ZCCHC24: variants seen among roughly 807,000 people sequenced by gnomAD.
ZCCHC24 encodes the protein zinc finger CCHC-type containing 24, also known as zinc finger CCHC domain-containing protein 24.
Under a neutral mutation model 26.2 loss-of-function variants are expected in ZCCHC24, and 10 were observed. The ratio of observed to expected loss-of-function variants is 0.38; its 90% confidence interval spans 0.24 to 0.65. The LOEUF (loss-of-function observed/expected upper bound fraction) is 0.65, where lower values mean the gene tolerates loss of function less well. ZCCHC24 is among the 30% of genes least tolerant of loss of function. ZCCHC24 has a pLI of 0.54. For missense variants in ZCCHC24, 243 were observed against 329.1 expected (o/e 0.74, Z 2.03); for synonymous variants, 144 against 147.1 (o/e 0.98, Z 0.15).
At chr10:79,393,699 G>C (rs751828121) in intron 3 of ZCCHC24, among the ~76,000 whole-genome samples, 1 of 152,066 alleles carries the variant, frequency 6.6e-6, no homozygotes, top group Admixed American at 6.5e-5. Flanking sequence ...CCTCTCCTGC[G>C]CTTTCACTGA....
intron 2 of ZCCHC24, among the ~76,000 whole-genome samples, chr10:79,403,756 C>T (rs146403738): frequency 1.6e-4 from 25 of 152,258 alleles, no homozygotes; most frequent in African/African-American, 5.8e-4. Flanking sequence ...CCGTTCCCAG[C>T]CCAAAGCCAC....
intron 2 of ZCCHC24, among the ~76,000 whole-genome samples, chr10:79,425,696 G>A (rs1490571105): frequency 3.9e-5 from 6 of 152,140 alleles, no homozygotes; most frequent in Non-Finnish European, 5.9e-5. Flanking sequence ...AGTACCTACC[G>A]AGACAATTTT....
At chr10:79,428,541 G>A (rs1201706250) in intron 2 of ZCCHC24, among the ~76,000 whole-genome samples, 3 of 152,030 alleles carry the variant, frequency 2.0e-5, no homozygotes, top group African/African-American at 4.8e-5. Context: ...CGATGTGAAT[G>A]TATTTAATGC....
chr10:79,389,706 C>T (rs1382952658), intron 3 of ZCCHC24, among the ~76,000 whole-genome samples: 1 of 151,758 alleles, frequency 6.6e-6, no homozygotes, highest in Non-Finnish European at 1.5e-5. Flanking sequence ...ACCTCTGTCT[C>T]CTGGGTTCGA....
intron 3 of ZCCHC24, among the ~76,000 whole-genome samples, chr10:79,393,006 A>G (rs1403601788): frequency 6.6e-6 from 1 of 152,050 alleles, no homozygotes; most frequent in Non-Finnish European, 1.5e-5. Context: ...ACCCCACCCC[A>G]GGCTTCTAGG....
In ZCCHC24 at chr10:79,419,445, C is replaced by T. The variant is rs140306128; in HGVS notation, c.447+13113G>A. On this transcript the variant is annotated intron_variant, in intron 2 of 3. Coordinates refer to ENST00000372336, the MANE Select transcript of ZCCHC24 (RefSeq NM_153367.4). ...CTCTGAGTCCAGCTCAGTGAGACTC[C>T]GCTGCCTGGGGCTCTCCTGTTCTTA... 4.2e-3 allele frequency among the ~76,000 whole-genome samples: 637 copies of T among 152,320 alleles called. 1 individual carries two copies. The highest frequency in any genetic ancestry group is 0.023 in the South Asian group (111 of 4,830).
chr10:79,410,810 G>A (rs1034536268), intron 2 of ZCCHC24, among the ~76,000 whole-genome samples: 4 of 152,054 alleles, frequency 2.6e-5, no homozygotes, highest in African/African-American at 9.7e-5. Context: ...TCTGGGGATG[G>A]GTGGCAGAGG....
intron 2 of ZCCHC24, among the ~76,000 whole-genome samples, chr10:79,426,779 A>G (rs1399114070): frequency 1.3e-5 from 2 of 152,240 alleles, no homozygotes; most frequent in African/African-American, 4.8e-5. Flanking sequence ...GGAATAGAGA[A>G]ATAAAAAAGA....
chr10:79,417,956 G>A lies in ZCCHC24; in HGVS notation c.447+14602C>T, dbSNP rs368474986. On this transcript the variant is annotated intron_variant, in intron 2 of 3. Transcript: ENST00000372336. The stretch of plus-strand genomic sequence containing the variant: ...GATCTGGCCACCTTGCCCCAGCTGG[G>A]CCACCTCCCACTCCACACAAAGCCA... Among the ~76,000 whole-genome samples the A allele has an allele frequency of 1.3e-4, 20 of 152,266 alleles. No individual in the cohort carries two copies. In the South Asian group the frequency reaches 3.9e-3, roughly 30 times the overall value.
intron 2 of ZCCHC24, among the ~76,000 whole-genome samples, chr10:79,416,023 T>C (rs1211477150): frequency 1.3e-5 from 2 of 152,206 alleles, no homozygotes; most frequent in African/African-American, 4.8e-5. Context: ...GGACCCGGGC[T>C]GCGCATTTTT....
chr10:79,395,707 AT>A (rs1306527305), intron 2 of ZCCHC24, among the ~76,000 whole-genome samples: 1 of 152,168 alleles, frequency 6.6e-6, no homozygotes, highest in African/African-American at 2.4e-5. Context: ...TTGTGAACTA[AT>A]TGTTCATACT....
chr10:79,432,438 G>A (rs968126909), intron 2 of ZCCHC24, 120 bp downstream of exon 2: 10 of 1,031,942 alleles, frequency 9.7e-6, no homozygotes, highest in African/African-American at 5.0e-5. Context: ...AGAGGACCAC[G>A]GGGCCACTCA....
chr10:79,424,686 C>T (rs924544023), intron 2 of ZCCHC24, among the ~76,000 whole-genome samples: 8 of 152,316 alleles, frequency 5.3e-5, no homozygotes, highest in South Asian at 4.1e-4. Context: ...TCTCCCTGGC[C>T]TCCAGATAAA....
At chr10:79,405,222 G>T (rs910451817) in intron 2 of ZCCHC24, among the ~76,000 whole-genome samples, 1 of 151,854 alleles carries the variant, frequency 6.6e-6, no homozygotes, top group Non-Finnish European at 1.5e-5. Context: ...GCCAAACTCA[G>T]AGATTTCACC....
rs552839411 is a variant in ZCCHC24 at position 79,419,887 on chromosome 10, G to A, written c.447+12671C>T. Among the ~76,000 whole-genome samples, 96 of 152,158 alleles carry A rather than the reference G, an allele frequency of 6.3e-4. 1 individual carries two copies. The highest frequency in any genetic ancestry group is 2.0e-3 in the African/African-American group (84 of 41,504). On this transcript the variant is annotated intron_variant, in intron 2 of 3. Transcript: ENST00000372336. The stretch of plus-strand genomic sequence containing the variant: ...AGAGGGCTGGGAAGGTGAGGCCATT[G>A]ACCCATCGAGATTCCTGGGGACTCC...
chr10:79,412,729 T>C (rs938516165), intron 2 of ZCCHC24, among the ~76,000 whole-genome samples: 1 of 152,222 alleles, frequency 6.6e-6, no homozygotes, highest in African/African-American at 2.4e-5. Flanking sequence ...GGCTGTGCGG[T>C]CCTGGAGACC....
chr10:79,404,264 C>T (rs1856678796), intron 2 of ZCCHC24, among the ~76,000 whole-genome samples: 1 of 152,256 alleles, frequency 6.6e-6, no homozygotes, highest in Admixed American at 6.5e-5. Context: ...CTCCAAATCC[C>T]ACCCCAGCCA....
intron 1 of ZCCHC24, among the ~76,000 whole-genome samples, chr10:79,443,597 G>A (rs1365414651): frequency 2.0e-5 from 3 of 152,166 alleles, no homozygotes; most frequent in Non-Finnish European, 4.4e-5. Context: ...GTGAATCCCC[G>A]GGTCCTGCCC....
intron 2 of ZCCHC24, among the ~76,000 whole-genome samples, chr10:79,407,277 C>T (rs1292663805): frequency 1.3e-5 from 2 of 152,218 alleles, no homozygotes; most frequent in Non-Finnish European, 2.9e-5. Context: ...GTGTGGGAGC[C>T]AGGCTGACTG....
Sources: gnomAD v4.1 joint callset for allele counts (sites outside exome capture counted in the v4.1 genomes callset) on GRCh38, gnomAD v4.1.1 for gene constraint, MANE v1.5 for transcripts, NCBI Gene and HGNC (gene_info 2026-07-23, HGNC 2026-07-21) for gene names.